The following PRKD1 variants were observed in gnomAD, a reference collection of about 807,000 sequenced individuals.
PRKD1 encodes protein kinase D1, also known as serine/threonine-protein kinase D1.
In PRKD1, 63 loss-of-function variants were observed where a neutral mutation model predicts 95.9. The ratio of observed to expected loss-of-function variants is 0.66; its 90% confidence interval spans 0.54 to 0.81. The LOEUF (loss-of-function observed/expected upper bound fraction) is 0.81. Ranked by LOEUF, PRKD1 falls within the 30% of genes least tolerant of loss-of-function variation. The pLI is 0.00. For synonymous variants in PRKD1, 425 were observed against 423.1 expected, an observed-to-expected ratio of 1.00 and a Z score of -0.05; for missense variants, 1,048 against 1,165.3, an observed-to-expected ratio of 0.90 and a Z score of 1.47.
At chr14:29,868,559 C>T (rs889689327) in intron 1 of PRKD1, among the ~76,000 whole-genome samples, 2 of 152,082 alleles carry the variant, frequency 1.3e-5, no homozygotes, top group African/African-American at 4.8e-5. Context: ...ACCTTCACTG[C>T]ATTTTTTTCA....
chr14:29,773,183 G>A (rs531503061), intron 1 of PRKD1, among the ~76,000 whole-genome samples: 15 of 152,182 alleles, frequency 9.9e-5, no homozygotes, highest in South Asian at 2.1e-4. Flanking sequence ...GAAAATGGCC[G>A]GCTGTGGTGA....
At chr14:29,850,399 T>C (rs1892261706) in intron 1 of PRKD1, among the ~76,000 whole-genome samples, 3 of 151,916 alleles carry the variant, frequency 2.0e-5, no homozygotes, top group Admixed American at 2.0e-4. Context: ...GTAGCATTTC[T>C]ATACAAAATA....
intron 2 of PRKD1, among the ~76,000 whole-genome samples, chr14:29,692,563 T>G (rs963226153): frequency 6.6e-6 from 1 of 152,054 alleles, no homozygotes; most frequent in African/African-American, 2.4e-5. Flanking sequence ...GAAAGAGGAA[T>G]GTAAAACTGT....
chr14:29,759,252 AAAAG>A (rs1307000339), intron 1 of PRKD1, among the ~76,000 whole-genome samples: 1 of 152,184 alleles, frequency 6.6e-6, no homozygotes, highest in Non-Finnish European at 1.5e-5. Flanking sequence ...ACGCAAAAAA[AAAAG>A]AAGAGAAAAA....
chr14:29,826,816 CAT>C (rs1173701577), intron 1 of PRKD1, among the ~76,000 whole-genome samples: 2,109 of 31,050 alleles, frequency 0.068, 370 homozygotes, highest in Non-Finnish European at 0.085. Context: ...TATATATACA[CAT>C]ATATATATAT....
At chr14:29,584,222 A>G (rs1299783462) in intron 16 of PRKD1, among the ~76,000 whole-genome samples, 1 of 152,210 alleles carries the variant, frequency 6.6e-6, no homozygotes, top group African/African-American at 2.4e-5. Context: ...GAAGTTGCAC[A>G]AACTATACTG....
At chr14:29,666,317 A>C in intron 2 of PRKD1, 109 bp from the exon 3 acceptor site, 1 of 1,180,292 alleles carries the variant, frequency 8.5e-7, no homozygotes, top group Non-Finnish European at 1.1e-6. Flanking sequence ...CCCTAGGCAA[A>C]GTTAGGGAAG....
intron 1 of PRKD1, among the ~76,000 whole-genome samples, chr14:29,906,924 TTTTG>T (rs1038529901): frequency 1.3e-5 from 2 of 152,268 alleles, no homozygotes; most frequent in African/African-American, 4.8e-5. Flanking sequence ...TACCACTATA[TTTTG>T]TTTGTCAGGC....
intron 1 of PRKD1, among the ~76,000 whole-genome samples, chr14:29,867,911 AG>A (rs1243196376): frequency 6.6e-6 from 1 of 152,242 alleles, no homozygotes; most frequent in Non-Finnish European, 1.5e-5. Flanking sequence ...TGAAGGAAAC[AG>A]GGTGGGATTA....
At chr14:29,831,718 CTT>C (rs1283894415) in intron 1 of PRKD1, among the ~76,000 whole-genome samples, 1 of 152,024 alleles carries the variant, frequency 6.6e-6, no homozygotes, top group African/African-American at 2.4e-5. Context: ...TTCTTACTCT[CTT>C]TTGTTCTCCT....
intron 1 of PRKD1, among the ~76,000 whole-genome samples, chr14:29,790,977 T>C (rs745382395): frequency 4.6e-5 from 7 of 152,200 alleles, no homozygotes; most frequent in Non-Finnish European, 8.8e-5. Flanking sequence ...CAGTGAGCCC[T>C]AGCCTTACCA....
intron 2 of PRKD1, among the ~76,000 whole-genome samples, chr14:29,667,931 G>GT (rs35990037): frequency 0.03 from 4,440 of 146,422 alleles, 67 homozygotes; most frequent in Middle Eastern, 0.04. Flanking sequence ...AGGTAAATTT[G>GT]TTTTTTTTTT....
chr14:29,599,560 T>C, intron 14 of PRKD1, 96 bp downstream of exon 14: 1 of 1,169,726 alleles, frequency 8.5e-7, no homozygotes. Context: ...AGACTGGAGG[T>C]AGGGACTAAA....
intron 1 of PRKD1, among the ~76,000 whole-genome samples, chr14:29,888,722 C>T (rs1566656198): frequency 6.6e-6 from 1 of 152,146 alleles, no homozygotes; most frequent in Non-Finnish European, 1.5e-5. Context: ...AGACACACCA[C>T]ACAAATCAGA....
intron 4 of PRKD1, among the ~76,000 whole-genome samples, chr14:29,654,670 T>G (rs1881733106): frequency 6.6e-6 from 1 of 152,132 alleles, no homozygotes; most frequent in African/African-American, 2.4e-5. Context: ...CGGTATATGG[T>G]TTACCTATGC....
At chr14:29,624,087 G>T in intron 13 of PRKD1, 65 bp downstream of exon 13, 1 of 1,153,306 alleles carries the variant, frequency 8.7e-7, no homozygotes, top group Non-Finnish European at 1.2e-6. Context: ...AAATTTATTT[G>T]CTTTGCAGAA....
intron 1 of PRKD1, among the ~76,000 whole-genome samples, chr14:29,765,393 G>A (rs996307040): frequency 2.0e-5 from 3 of 152,164 alleles, no homozygotes; most frequent in Non-Finnish European, 2.9e-5. Context: ...AACAAGACAT[G>A]CTGTTGAGAA....
rs1195540015 is a variant in PRKD1 at position 29,851,295 on chromosome 14, C to T, written c.264+75954G>A. Among the ~76,000 whole-genome samples, 4 of 152,112 alleles carry T rather than the reference C, an allele frequency of 2.6e-5. No homozygotes were observed. In the East Asian group the frequency reaches 7.7e-4, roughly 29 times the overall value. ...ATCAACATAGTAAACAGATAACCTA[C>T]AGAATGGGAGAAAATATTCACAAAC... is the stretch of plus-strand genomic sequence containing the variant. On this transcript the variant is annotated intron_variant, in intron 1 of 17. Coordinates refer to ENST00000331968, the MANE Select transcript of PRKD1 (RefSeq NM_002742.3).
intron 4 of PRKD1, among the ~76,000 whole-genome samples, chr14:29,641,433 G>T (rs1193947960): frequency 1.3e-5 from 2 of 152,218 alleles, no homozygotes; most frequent in South Asian, 2.1e-4. Context: ...TTGACACAGG[G>T]TGCATGCATA....
Sources: allele counts gnomAD v4.1 joint callset (sites outside exome capture counted in the v4.1 genomes callset), GRCh38; gene constraint gnomAD v4.1.1; transcripts MANE v1.5; gene names NCBI Gene and HGNC (gene_info 2026-07-23, HGNC 2026-07-21).